The following APBA2 variants were observed in gnomAD, a reference collection of about 807,000 sequenced individuals.
The protein encoded by APBA2 is amyloid-beta A4 precursor protein-binding family A member 2.
Under a neutral mutation model 75.0 loss-of-function variants are expected in APBA2, and 30 were observed. The observed-to-expected ratio is 0.40, with a 90% CI of 0.30 to 0.54. APBA2 has a LOEUF of 0.54. APBA2 is among the 20% of genes least tolerant of loss of function. APBA2 has a pLI of 0.49. For synonymous variants in APBA2, 444 were observed against 409.6 expected, an observed-to-expected ratio of 1.08 and a Z score of -1.01; for missense variants, 801 against 1,016.1, an observed-to-expected ratio of 0.79 and a Z score of 2.88.
intron 4 of APBA2, 24 bp from the exon 5 acceptor site, chr15:29,074,897 G>A (rs373701406): frequency 9.7e-5 from 157 of 1,611,904 alleles, no homozygotes; most frequent in African/African-American, 2.7e-4. Context: ...ATAAAATCAC[G>A]ATCTTTAACT....
intron 5 of APBA2, 31 bp from the exon 6 acceptor site, chr15:29,076,024 A>T (rs756123660): frequency 7.5e-6 from 12 of 1,609,184 alleles, no homozygotes; most frequent in South Asian, 2.2e-5. Flanking sequence ...AACAATTGTT[A>T]TGTGTTTTAT....
chr15:28,945,291 G>T (rs2152711874), intron 2 of APBA2, among the ~76,000 whole-genome samples: 1 of 146,464 alleles, frequency 6.8e-6, no homozygotes, highest in East Asian at 2.2e-4. Context: ...ATCTCAGGGT[G>T]ACCTTGGCCA....
intron 2 of APBA2, among the ~76,000 whole-genome samples, chr15:28,948,792 G>A (rs1348702016): frequency 6.6e-6 from 1 of 152,166 alleles, no homozygotes; most frequent in East Asian, 1.9e-4. Context: ...ATAGGGGCAG[G>A]AAGCAGTTGT....
At chr15:29,103,838 C>T (rs1480421702) in intron 10 of APBA2, among the ~76,000 whole-genome samples, 1 of 152,210 alleles carries the variant, frequency 6.6e-6, no homozygotes, top group African/African-American at 2.4e-5. Flanking sequence ...TTCCCAAAGG[C>T]CCGACCCTCT....
chr15:28,907,871 A>C (rs1428748564), intron 1 of APBA2, among the ~76,000 whole-genome samples: 1 of 152,212 alleles, frequency 6.6e-6, no homozygotes, highest in Non-Finnish European at 1.5e-5. Context: ...TTTCTATTTG[A>C]ACCAACTTAA....
At chr15:28,913,843 A>T (rs916343020) in intron 1 of APBA2, among the ~76,000 whole-genome samples, 2 of 152,236 alleles carry the variant, frequency 1.3e-5, no homozygotes, top group Non-Finnish European at 2.9e-5. Context: ...CTATTTCATG[A>T]ATAGTCCTTG....
intron 13 of APBA2, among the ~76,000 whole-genome samples, chr15:29,109,888 G>A (rs1380605760): frequency 4.6e-5 from 7 of 152,242 alleles, no homozygotes; most frequent in South Asian, 2.1e-4. Flanking sequence ...AGGAGGCCCC[G>A]TGGCCCCTGG....
At chr15:29,078,835 G>A (rs1385421326) in intron 6 of APBA2, among the ~76,000 whole-genome samples, 2 of 152,104 alleles carry the variant, frequency 1.3e-5, no homozygotes, top group African/African-American at 2.4e-5. Context: ...CCAGCTGGAC[G>A]TCCTCCCCTT....
At chr15:28,964,597 C>T (rs938986498) in intron 2 of APBA2, among the ~76,000 whole-genome samples, 2 of 151,624 alleles carry the variant, frequency 1.3e-5, no homozygotes, top group African/African-American at 4.9e-5. Flanking sequence ...AAGTGATTCT[C>T]CTGCCTCAGC....
intron 1 of APBA2, among the ~76,000 whole-genome samples, chr15:28,908,040 C>A (rs2033222856): frequency 6.6e-6 from 1 of 152,206 alleles, no homozygotes; most frequent in South Asian, 2.1e-4. Context: ...GCACCTCTGT[C>A]CTCTGTGAAG....
chr15:28,913,006 A>G (rs2033502591), intron 1 of APBA2, among the ~76,000 whole-genome samples: 1 of 152,180 alleles, frequency 6.6e-6, no homozygotes, highest in South Asian at 2.1e-4. Flanking sequence ...CTTGCATTCT[A>G]GTATTCTAGT....
intron 3 of APBA2, among the ~76,000 whole-genome samples, chr15:29,052,182 G>A (rs1182432637): frequency 2.0e-5 from 3 of 152,060 alleles, no homozygotes; most frequent in Non-Finnish European, 2.9e-5. Context: ...GTTGCTGGGC[G>A]TGGCGGCTCA....
At chr15:29,068,058 G>A (rs1450696806) in intron 4 of APBA2, among the ~76,000 whole-genome samples, 2 of 152,176 alleles carry the variant, frequency 1.3e-5, no homozygotes, top group Non-Finnish European at 2.9e-5. Flanking sequence ...GGGCACCATC[G>A]TTACATTCAT....
chr15:29,063,749 G>A (rs1307042619), intron 4 of APBA2, among the ~76,000 whole-genome samples: 1 of 151,468 alleles, frequency 6.6e-6, no homozygotes, highest in East Asian at 2.0e-4. Flanking sequence ...TCCATGGGAA[G>A]CTCATCGGGT....
rs146924233 is a variant in APBA2 at position 29,054,769 on chromosome 15, C to A, written c.885C>A (p.Asp295Glu). 1.1e-4 allele frequency: 174 copies of A among 1,605,926 alleles called. 1 individual carries two copies. In the African/African-American group the frequency reaches 1.7e-3, roughly 16 times the overall value. ...TTCCCGAGGCCAAGCACCCCGGAGACCCCCAGAGAGGCTTCAAGCCCAAGA... is the reference window on the plus strand; with the variant it reads ...TTCCCGAGGCCAAGCACCCCGGAGAACCCCAGAGAGGCTTCAAGCCCAAGA... ...NLLPEAKHPG[D>E]PQRGFKPKTR... The change falls in exon 4 of 15, where the codon GAC becomes GAA. Residue 295 changes from aspartate to glutamate, a missense_variant. Coordinates refer to ENST00000683413, the MANE Select transcript of APBA2 (RefSeq NM_001353788.2). The surrounding 1 kb of genome is among the most constrained non-coding windows in gnomAD (Gnocchi z 6.1).
At position 29,113,813 on chromosome 15, in the gene APBA2, C is replaced by T. The variant is rs1393470491; in HGVS notation, c.2038-63C>T. On this transcript the variant is annotated intron_variant, in intron 13 of 14. Transcript: ENST00000683413. ...CCTCTGCATGTCCCATCTTTGGGGACGTGGTGGAGCGCCTGTCGGGTGTGG... is the reference window on the plus strand; with the variant it reads ...CCTCTGCATGTCCCATCTTTGGGGATGTGGTGGAGCGCCTGTCGGGTGTGG... The T allele has an allele frequency of 1.4e-5, 23 of 1,589,890 alleles. 1 individual carries two copies. The South Asian group carries it at 1.6e-4, about 11-fold the overall frequency.
rs1296985388 is a variant in APBA2 at position 29,056,595 on chromosome 15, TCCCTCCC to T, written c.951+1761_951+1767del. On this transcript the variant is annotated intron_variant, in intron 4 of 14. Coordinates refer to ENST00000683413, the MANE Select transcript of APBA2 (RefSeq NM_001353788.2). ...CTCCCTTCCTCCCTCCCTCCCTCCC[TCCCTCCC>T]TCCCTCCCTCCTTCTCTCCCTCCCT... Among the ~76,000 whole-genome samples, 9 of 1,580 alleles carry T rather than the reference TCCCTCCC, an allele frequency of 5.7e-3. No homozygotes were observed. In the East Asian group the frequency reaches 0.13, roughly 23 times the overall value. 1.0% of individuals were successfully genotyped at this position (1,580 alleles called of 152,430 possible). A position where few individuals can be genotyped will look rare whatever the true frequency, so the allele number is the denominator to read the frequency against.
rs150464241 is a variant in APBA2, at chr15:29,040,104, T to C, written c.-40-13741T>C. ...AGCTGAAGATTAGGAGGGATCACTG[T>C]TTTGTTTTGTCTTTTCCTCTCTCCT... On this transcript the variant is annotated intron_variant, in intron 3 of 14. Transcript: ENST00000683413. Among the ~76,000 whole-genome samples, 106 of 152,250 alleles carry C rather than the reference T, an allele frequency of 7.0e-4. 1 individual carries two copies. In the East Asian group the frequency reaches 0.02, roughly 29 times the overall value.
chr15:29,094,646 T>C (rs11856236), intron 8 of APBA2, among the ~76,000 whole-genome samples: 129,837 of 152,282 alleles, frequency 0.85, 58,452 homozygotes, highest in Non-Finnish European at 0.99. Flanking sequence ...GGGTGTAGGG[T>C]CTGGGCCTCC....
Sources: gnomAD v4.1 joint callset for allele counts (sites outside exome capture counted in the v4.1 genomes callset) on GRCh38, gnomAD v4.1.1 for gene constraint, Gnocchi (gnomAD v3.1) non-coding constraint, MANE v1.5 for transcripts, NCBI Gene and HGNC (gene_info 2026-07-23, HGNC 2026-07-21) for gene names.